EYA1: variants seen among roughly 807,000 people sequenced by gnomAD.
EYA1 encodes protein phosphatase EYA1.
In EYA1, 16 loss-of-function variants were observed where a neutral mutation model predicts 82.0. That is an observed-to-expected ratio of 0.20 (90% confidence interval 0.13 to 0.30). EYA1 has a LOEUF of 0.30. EYA1 is among the 10% of genes least tolerant of loss of function. EYA1 has a pLI of 1.00. For missense variants in EYA1, 633 were observed against 730.7 expected (o/e 0.87, Z 1.54); for synonymous variants, 261 against 264.4 (o/e 0.99, Z 0.12).
At chr8:71,435,984 A>T (rs1402002930) in intron 2 of EYA1, among the ~76,000 whole-genome samples, 1 of 152,164 alleles carries the variant, frequency 6.6e-6, no homozygotes, top group Non-Finnish European at 1.5e-5. Context: ...CACCAATATC[A>T]TTTTAATTTT....
At chr8:71,540,667 G>A (rs1815069255) in intron 1 of EYA1, among the ~76,000 whole-genome samples, 1 of 152,080 alleles carries the variant, frequency 6.6e-6, no homozygotes, top group South Asian at 2.1e-4. Context: ...TTTGAAAAAT[G>A]GGTTATATTT....
At chr8:71,280,112 G>T (rs775692287) in intron 9 of EYA1, among the ~76,000 whole-genome samples, 2 of 152,224 alleles carry the variant, frequency 1.3e-5, no homozygotes, top group Non-Finnish European at 2.9e-5. Context: ...CACCAAGTCT[G>T]CTGTCCCAGG....
At chr8:71,239,214 T>C (rs578204614) in intron 12 of EYA1, among the ~76,000 whole-genome samples, 1 of 152,322 alleles carries the variant, frequency 6.6e-6, no homozygotes, top group East Asian at 1.9e-4. Context: ...ACGCATTTAT[T>C]ATGACTAATA....
chr8:71,406,397 C>T (rs534164230), intron 2 of EYA1, among the ~76,000 whole-genome samples: 7 of 152,332 alleles, frequency 4.6e-5, no homozygotes, highest in East Asian at 1.9e-4. Flanking sequence ...GGAACAGCTC[C>T]GGTCTACAGC....
At chr8:71,316,776 G>C (rs142837134) in intron 7 of EYA1, among the ~76,000 whole-genome samples, 1 of 152,122 alleles carries the variant, frequency 6.6e-6, no homozygotes, top group Admixed American at 6.5e-5. Context: ...AATATGATTC[G>C]TTGAACTGAA....
intron 3 of EYA1, among the ~76,000 whole-genome samples, chr8:71,334,603 G>C: frequency 6.6e-6 from 1 of 152,066 alleles, no homozygotes; most frequent in East Asian, 1.9e-4. Context: ...GACACCAGCA[G>C]GTCTTCCTGA....
chr8:71,304,846 A>G (rs2129007351), intron 7 of EYA1, among the ~76,000 whole-genome samples: 1 of 142,678 alleles, frequency 7.0e-6, no homozygotes, highest in Non-Finnish European at 1.6e-5. Flanking sequence ...CAGTGCCAAC[A>G]CTACCAGATG....
chr8:71,326,154 G>C (rs369301647), intron 4 of EYA1, among the ~76,000 whole-genome samples: 3 of 152,200 alleles, frequency 2.0e-5, no homozygotes, highest in East Asian at 1.9e-4. Flanking sequence ...CTTTTTGTAG[G>C]AAGGGAGAGG....
chr8:71,362,284 T>TTA, upstream of EYA1: 1 of 656,758 alleles, frequency 1.5e-6, no homozygotes, highest in Non-Finnish European at 1.9e-6. Context: ...CCTTGCTGTT[T>TTA]AAAAAAAAAA....
chr8:71,442,287 G>A (rs1003479264), intron 2 of EYA1, among the ~76,000 whole-genome samples: 4 of 152,072 alleles, frequency 2.6e-5, no homozygotes, highest in African/African-American at 7.2e-5. Context: ...TTAATCAATG[G>A]GTCCTGTGGG....
chr8:71,389,189 G>T (rs1055056517), intron 2 of EYA1, among the ~76,000 whole-genome samples: 2 of 151,944 alleles, frequency 1.3e-5, no homozygotes, highest in African/African-American at 4.8e-5. Context: ...TTCTGGCAGG[G>T]AATGCTCATG....
rs1266528712 is a variant in EYA1 at position 71,269,768 on chromosome 8, G to A, written c.1022C>T (p.Thr341Ile). Reference protein sequence around the residue: ...ETIIVFHSLLTGSYANRYGRD... With the variant: ...ETIIVFHSLLIGSYANRYGRD... ...CCCATATCTGTTGGCGTAGGACCCA[G>A]TAAGCAAGGAGTGGAAAACAATGAT... The change falls in exon 11 of 18, where the codon ACT (threonine) becomes ATT (isoleucine). Residue 341 changes from threonine (T) to isoleucine (I), a missense_variant. Transcript: ENST00000340726. The A allele has an allele frequency of 6.2e-7, 1 of 1,613,744 alleles. No individual in the cohort carries two copies. The highest frequency in any genetic ancestry group is 8.5e-7 in the Non-Finnish European group (1 of 1,179,764).
chr8:71,356,846 G>C, intron 1 of EYA1: 1 of 561,438 alleles, frequency 1.8e-6, no homozygotes. Context: ...CTTGGAAAAG[G>C]TGCTTGGAAA....
At chr8:71,514,462 G>A (rs1431162705) in intron 2 of EYA1, among the ~76,000 whole-genome samples, 1 of 152,074 alleles carries the variant, frequency 6.6e-6, no homozygotes, top group African/African-American at 2.4e-5. Flanking sequence ...GTATTAGTCT[G>A]TTTTCACACT....
intron 1 of EYA1, among the ~76,000 whole-genome samples, chr8:71,547,037 A>C (rs1815677101): frequency 6.6e-6 from 1 of 151,828 alleles, no homozygotes; most frequent in Non-Finnish European, 1.5e-5. Context: ...AACCCTCATA[A>C]AAGCAGAGAT....
chr8:71,294,352 G>T (rs199785733), intron 9 of EYA1, among the ~76,000 whole-genome samples: 6 of 151,994 alleles, frequency 3.9e-5, no homozygotes, highest in African/African-American at 1.2e-4. Context: ...CCAGCTACTC[G>T]GGAGGCTGAG....
chr8:71,504,171 T>C (rs1264644861), intron 2 of EYA1, among the ~76,000 whole-genome samples: 1 of 152,110 alleles, frequency 6.6e-6, no homozygotes, highest in Non-Finnish European at 1.5e-5. Flanking sequence ...TTTACTATAA[T>C]TACAAAAAAA....
chr8:71,419,196 C>A (rs1831014701), intron 2 of EYA1, among the ~76,000 whole-genome samples: 1 of 152,074 alleles, frequency 6.6e-6, no homozygotes, highest in Admixed American at 6.6e-5. Flanking sequence ...GTGCAGAAAA[C>A]AAACTTTAAA....
intron 9 of EYA1, among the ~76,000 whole-genome samples, chr8:71,288,392 C>T (rs1220652224): frequency 6.6e-6 from 1 of 152,204 alleles, no homozygotes; most frequent in Non-Finnish European, 1.5e-5. Flanking sequence ...CCACACTACA[C>T]CCTTCTGTCT....
Sources: allele counts gnomAD v4.1 joint callset (sites outside exome capture counted in the v4.1 genomes callset), GRCh38; gene constraint gnomAD v4.1.1; transcripts MANE v1.5; gene names NCBI Gene and HGNC (gene_info 2026-07-23, HGNC 2026-07-21).